Variants in LSAMP observed in about 807,000 individuals in gnomAD.
LSAMP encodes limbic system associated membrane protein, also known as limbic system-associated membrane protein.
In LSAMP, 7 loss-of-function variants were observed where a neutral mutation model predicts 38.6. The observed-to-expected ratio is 0.18, with a 90% CI of 0.10 to 0.34. The LOEUF is 0.34. LSAMP is among the 10% of genes least tolerant of loss of function. The pLI is 1.00. For missense variants in LSAMP, 313 were observed against 420.0 expected (o/e 0.75, Z 2.23); for synonymous variants, 154 against 166.8 (o/e 0.92, Z 0.59).
At chr3:116,072,223 C>T (rs1398540187) in intron 2 of LSAMP, among the ~76,000 whole-genome samples, 1 of 152,132 alleles carries the variant, frequency 6.6e-6, no homozygotes, top group Non-Finnish European at 1.5e-5. Context: ...GATCCACCCA[C>T]CTCGGCCTCC....
chr3:116,223,013 C>G (rs538631476), intron 1 of LSAMP, among the ~76,000 whole-genome samples: 26 of 152,188 alleles, frequency 1.7e-4, no homozygotes, highest in African/African-American at 5.8e-4. Context: ...GCTGGGATTA[C>G]AGGCGTGAGC....
intron 1 of LSAMP, among the ~76,000 whole-genome samples, chr3:116,134,948 CAAT>C (rs1425217454): frequency 2.0e-5 from 3 of 152,088 alleles, no homozygotes; most frequent in African/African-American, 4.8e-5. Flanking sequence ...GCTGGGCTCT[CAAT>C]AATAGTATAA....
chr3:115,912,637 G>A (rs560400220), intron 3 of LSAMP, among the ~76,000 whole-genome samples: 2 of 152,310 alleles, frequency 1.3e-5, no homozygotes, highest in East Asian at 3.9e-4. Flanking sequence ...ACCTTTGCTG[G>A]CACGAGTGGA....
chr3:116,142,192 A>G (rs1489915288), intron 1 of LSAMP, among the ~76,000 whole-genome samples: 1 of 152,050 alleles, frequency 6.6e-6, no homozygotes, highest in Non-Finnish European at 1.5e-5. Context: ...GTAGGAGTTC[A>G]GTGTATTCAT....
intron 3 of LSAMP, among the ~76,000 whole-genome samples, chr3:115,857,423 T>A (rs1241940938): frequency 6.6e-6 from 1 of 152,208 alleles, no homozygotes; most frequent in African/African-American, 2.4e-5. Context: ...AGGCCAGAAA[T>A]GGACACAAAA....
chr3:115,838,510 G>T (rs987836830), intron 6 of LSAMP, among the ~76,000 whole-genome samples: 2 of 152,178 alleles, frequency 1.3e-5, no homozygotes, highest in Non-Finnish European at 2.9e-5. Flanking sequence ...CTGAATCCTT[G>T]GCCATACATT....
At chr3:115,907,878 GC>G (rs1172495499) in intron 3 of LSAMP, among the ~76,000 whole-genome samples, 1 of 152,082 alleles carries the variant, frequency 6.6e-6, no homozygotes, top group African/African-American at 2.4e-5. Flanking sequence ...GCTTCTCAAG[GC>G]CTTTTTATTA....
At position 116,221,560 on chromosome 3, in the gene LSAMP, A is replaced by G. The variant is rs549523334; in HGVS notation, c.156-135004T>C. 1.1e-4 allele frequency among the ~76,000 whole-genome samples: 16 copies of G among 152,352 alleles called. No homozygotes were observed. In the East Asian group the frequency reaches 3.1e-3, roughly 29 times the overall value. On this transcript the variant is annotated intron_variant, in intron 1 of 6. Transcript: ENST00000490035. Reference sequence around the variant, plus strand: ...GATTTCCAAAGACATGTGTTTGTGTACATGCCTGTGTGTGTCCTTCTAGAC... The same window carrying G: ...GATTTCCAAAGACATGTGTTTGTGTGCATGCCTGTGTGTGTCCTTCTAGAC...
At chr3:115,993,060 GT>G (rs1221706851) in intron 3 of LSAMP, among the ~76,000 whole-genome samples, 1 of 152,078 alleles carries the variant, frequency 6.6e-6, no homozygotes, top group Non-Finnish European at 1.5e-5. Flanking sequence ...TGCCTAAGTA[GT>G]TTTTACTCTG....
chr3:115,992,732 A>C (rs571553804), intron 3 of LSAMP, among the ~76,000 whole-genome samples: 12 of 152,112 alleles, frequency 7.9e-5, no homozygotes, highest in Non-Finnish European at 1.3e-4. Flanking sequence ...GTAATAATAG[A>C]ATATATTTAA....
intron 3 of LSAMP, among the ~76,000 whole-genome samples, chr3:115,944,737 C>A (rs1938039403): frequency 6.6e-6 from 1 of 152,120 alleles, no homozygotes; most frequent in Non-Finnish European, 1.5e-5. Flanking sequence ...AGATCCTGTT[C>A]AAGGTCACAT....
chr3:116,022,715 A>C (rs73139170), intron 2 of LSAMP, among the ~76,000 whole-genome samples: 28,733 of 152,028 alleles, frequency 0.19, 2,873 homozygotes, highest in Admixed American at 0.25. Flanking sequence ...TCTTCATCTC[A>C]ATCTATACAT....
chr3:116,134,806 T>C (rs554227371), intron 1 of LSAMP, among the ~76,000 whole-genome samples: 2 of 152,290 alleles, frequency 1.3e-5, no homozygotes, highest in East Asian at 3.9e-4. Flanking sequence ...GAACTTACCA[T>C]CCTTGTTCTT....
At chr3:116,184,009 A>G (rs1278739547) in intron 1 of LSAMP, among the ~76,000 whole-genome samples, 1 of 151,790 alleles carries the variant, frequency 6.6e-6, no homozygotes, top group Non-Finnish European at 1.5e-5. Flanking sequence ...AGGAGGAAAA[A>G]ACATCATCAT....
chr3:116,181,752 C>T (rs1375568118), intron 1 of LSAMP, among the ~76,000 whole-genome samples: 1 of 151,986 alleles, frequency 6.6e-6, no homozygotes, highest in Non-Finnish European at 1.5e-5. Flanking sequence ...ACACTCCCAT[C>T]TTCATTGCCA....
At chr3:116,409,136 A>C (rs1166614479) in intron 1 of LSAMP, among the ~76,000 whole-genome samples, 2 of 152,056 alleles carry the variant, frequency 1.3e-5, no homozygotes, top group Non-Finnish European at 2.9e-5. Context: ...AGAGAGGGTT[A>C]TCATTGACAT....
intron 1 of LSAMP, among the ~76,000 whole-genome samples, chr3:116,276,904 G>T (rs558421412): frequency 9.2e-5 from 14 of 152,244 alleles, no homozygotes; most frequent in African/African-American, 3.1e-4. Flanking sequence ...CCTAAGGAGG[G>T]GCTTTGGAAT....
intron 3 of LSAMP, among the ~76,000 whole-genome samples, chr3:115,986,838 CT>C (rs1438300361): frequency 6.6e-6 from 1 of 152,166 alleles, no homozygotes; most frequent in African/African-American, 2.4e-5. Context: ...ACTAATGTTT[CT>C]CCCATTTATA....
chr3:116,250,457 C>A (rs2046665707), intron 1 of LSAMP, among the ~76,000 whole-genome samples: 1 of 152,058 alleles, frequency 6.6e-6, no homozygotes, highest in South Asian at 2.1e-4. Context: ...ACAAAATATT[C>A]AAGAAAGAAC....
Sources: gnomAD v4.1 joint callset for allele counts (sites outside exome capture counted in the v4.1 genomes callset) on GRCh38, gnomAD v4.1.1 for gene constraint, MANE v1.5 for transcripts, NCBI Gene and HGNC (gene_info 2026-07-23, HGNC 2026-07-21) for gene names.